The following MACROD2 variants were observed in gnomAD, a reference collection of about 807,000 sequenced individuals.
MACROD2 encodes the protein mono-ADP ribosylhydrolase 2, also known as ADP-ribose glycohydrolase MACROD2.
In MACROD2, 36 loss-of-function variants were observed where a neutral mutation model predicts 70.4. The ratio of observed to expected loss-of-function variants is 0.51; its 90% CI spans 0.39 to 0.68. The LOEUF (loss-of-function observed/expected upper bound fraction) is 0.68. Among genes scored for constraint, MACROD2 ranks in the 30% least tolerant of loss-of-function variants. The probability of loss-of-function intolerance (pLI) is 0.00; values close to 1 mark genes in which losing one functional copy is unlikely to be tolerated. For missense variants in MACROD2, 496 were observed against 538.4 expected, an observed-to-expected ratio of 0.92 and a Z score of 0.78; for synonymous variants, 172 against 178.8, an observed-to-expected ratio of 0.96 and a Z score of 0.30.
At chr20:15,344,484 G>A (rs1159275814) in intron 6 of MACROD2, among the ~76,000 whole-genome samples, 4 of 152,252 alleles carry the variant, frequency 2.6e-5, no homozygotes, top group South Asian at 2.1e-4. Context: ...AGCAATCAGG[G>A]GTTTGACCGC....
rs1323301 is a variant in MACROD2 at position 16,012,292 on chromosome 20, G to A, written c.1153+25134G>A. 6.0e-3 allele frequency among the ~76,000 whole-genome samples: 914 copies of A among 152,268 alleles called. 11 individuals are homozygous for A. The highest frequency in any genetic ancestry group is 0.021 in the African/African-American group (886 of 41,552). On this transcript the variant is annotated intron_variant, in intron 15 of 17. Transcript: ENST00000684519. The stretch of plus-strand genomic sequence containing the variant: ...TTCCCCACATTAGAGAGGACACACC[G>A]TGAGGTAGACTTTCCATTTGCTTTT...
chr20:14,941,642 T>TA (rs754257623), intron 5 of MACROD2, among the ~76,000 whole-genome samples: 27 of 152,256 alleles, frequency 1.8e-4, no homozygotes, highest in East Asian at 1.7e-3. Flanking sequence ...GTATTGCTGG[T>TA]AAAAAACTAG....
At chr20:15,830,872 G>A (rs6034297) in intron 8 of MACROD2, among the ~76,000 whole-genome samples, 131,618 of 152,272 alleles carry the variant, frequency 0.86, 57,184 homozygotes, top group East Asian at 0.99. Flanking sequence ...ATATGTAGGC[G>A]TATATAACAC....
At chr20:15,967,473 A>T in intron 12 of MACROD2, 80 bp from the exon 13 acceptor site, 1 of 1,119,736 alleles carries the variant, frequency 8.9e-7, no homozygotes, top group Non-Finnish European at 1.3e-6. Context: ...CTCAAACATA[A>T]ATCTATCATG....
intron 5 of MACROD2, among the ~76,000 whole-genome samples, chr20:15,089,075 A>G (rs771584359): frequency 3.6e-4 from 54 of 152,094 alleles, no homozygotes; most frequent in Non-Finnish European, 7.1e-4. Context: ...ATTGGCACAA[A>G]CATTAGCAAG....
intron 3 of MACROD2, among the ~76,000 whole-genome samples, chr20:14,357,612 TC>T (rs1331119224): frequency 6.6e-6 from 1 of 152,198 alleles, no homozygotes; most frequent in Admixed American, 6.5e-5. Flanking sequence ...ATGTAGTGGT[TC>T]CTCAGGGCAA....
intron 8 of MACROD2, among the ~76,000 whole-genome samples, chr20:15,735,414 A>G (rs903581447): frequency 6.6e-6 from 1 of 152,238 alleles, no homozygotes; most frequent in African/African-American, 2.4e-5. Flanking sequence ...CTTTAGTTTA[A>G]CACAAGCCAC....
At chr20:14,360,253 G>T (rs1167418201) in intron 3 of MACROD2, among the ~76,000 whole-genome samples, 3 of 152,048 alleles carry the variant, frequency 2.0e-5, no homozygotes, top group African/African-American at 7.2e-5. Context: ...AAAATCGCTA[G>T]GAGAATAGAT....
chr20:15,270,672 A>G (rs565687659), intron 6 of MACROD2, among the ~76,000 whole-genome samples: 3 of 152,264 alleles, frequency 2.0e-5, no homozygotes, highest in South Asian at 4.1e-4. Flanking sequence ...ACGGTATTAG[A>G]GCTTCTTAGC....
intron 5 of MACROD2, among the ~76,000 whole-genome samples, chr20:15,099,694 C>T (rs7272960): frequency 0.016 from 2,466 of 152,082 alleles, 68 homozygotes; most frequent in African/African-American, 0.055. Context: ...TGGACACAGG[C>T]GGGAAAAGTT....
At chr20:16,032,311 A>G (rs1040114934) in intron 15 of MACROD2, among the ~76,000 whole-genome samples, 4 of 152,062 alleles carry the variant, frequency 2.6e-5, no homozygotes, top group Non-Finnish European at 5.9e-5. Context: ...GCTTACCACC[A>G]GGGTGACAGG....
chr20:15,682,037 A>G (rs1383609888), intron 8 of MACROD2, among the ~76,000 whole-genome samples: 1 of 152,148 alleles, frequency 6.6e-6, no homozygotes, highest in Non-Finnish European at 1.5e-5. Flanking sequence ...ATGAATTTTT[A>G]CTTTTAAGAT....
chr20:14,623,695 GA>G (rs955070523), intron 4 of MACROD2, among the ~76,000 whole-genome samples: 2 of 152,176 alleles, frequency 1.3e-5, no homozygotes, highest in African/African-American at 4.8e-5. Context: ...CATCATCCCT[GA>G]AAAGCCAGTG....
chr20:14,641,427 A>G (rs1467142788), intron 4 of MACROD2, among the ~76,000 whole-genome samples: 1 of 152,238 alleles, frequency 6.6e-6, no homozygotes, highest in Non-Finnish European at 1.5e-5. Flanking sequence ...ATGAATCACA[A>G]ATGTTCCTAA....
At chr20:14,440,295 A>T (rs765098417) in intron 3 of MACROD2, among the ~76,000 whole-genome samples, 1 of 152,194 alleles carries the variant, frequency 6.6e-6, no homozygotes, top group Admixed American at 6.5e-5. Context: ...TGAATGTTTG[A>T]ATGCAGCCCA....
intron 5 of MACROD2, among the ~76,000 whole-genome samples, chr20:14,965,443 AT>A (rs1479327790): frequency 3.5e-4 from 29 of 83,138 alleles, no homozygotes; most frequent in African/African-American, 4.7e-4. Context: ...GCTAAAAGTT[AT>A]TTTTTTTTCT....
chr20:14,698,309 C>T (rs1026144492), intron 5 of MACROD2, among the ~76,000 whole-genome samples: 1 of 152,160 alleles, frequency 6.6e-6, no homozygotes, highest in Admixed American at 6.6e-5. Context: ...CAAACTCAGG[C>T]TCTGGACGTG....
chr20:14,776,054 A>G (rs1428967686), intron 5 of MACROD2, among the ~76,000 whole-genome samples: 2 of 152,074 alleles, frequency 1.3e-5, no homozygotes, highest in African/African-American at 4.8e-5. Flanking sequence ...TGTGCGTGGG[A>G]AAGAGAAGAA....
intron 3 of MACROD2, among the ~76,000 whole-genome samples, chr20:14,336,326 A>G (rs998444970): frequency 1.4e-4 from 21 of 152,134 alleles, no homozygotes; most frequent in Admixed American, 1.3e-3. Context: ...AAATTGAAAA[A>G]AAAATCAATT....
Sources: allele counts gnomAD v4.1 joint callset (sites outside exome capture counted in the v4.1 genomes callset), GRCh38; gene constraint gnomAD v4.1.1; transcripts MANE v1.5; gene names NCBI Gene and HGNC (gene_info 2026-07-23, HGNC 2026-07-21).